Variants in DNAJC25 observed in about 807,000 individuals in gnomAD.
DNAJC25 encodes dnaJ homolog subfamily C member 25.
A neutral mutation model predicts 42.1 loss-of-function variants in DNAJC25; 26 were observed. That is an observed-to-expected ratio of 0.62 (90% confidence interval 0.45 to 0.86). The LOEUF is 0.86. Among genes scored for constraint, DNAJC25 ranks in the 40% least tolerant of loss-of-function variants. The pLI is 0.00. For synonymous variants in DNAJC25, 189 were observed against 179.9 expected, an observed-to-expected ratio of 1.05 and a Z score of -0.40; for missense variants, 404 against 459.4, an observed-to-expected ratio of 0.88 and a Z score of 1.10.
chr9:111,652,979 C>T, intron 3 of DNAJC25, 121 bp from the exon 4 acceptor site: 1 of 947,494 alleles, frequency 1.1e-6, no homozygotes, highest in Non-Finnish European at 1.4e-6. Flanking sequence ...GAATGGTTAT[C>T]AATACATTCA....
chr9:111,638,375 A>G (rs1830395466), intron 1 of DNAJC25, among the ~76,000 whole-genome samples: 1 of 152,220 alleles, frequency 6.6e-6, no homozygotes, highest in Non-Finnish European at 1.5e-5. Context: ...TGTGAATAGG[A>G]GTCATTTGCA....
At chr9:111,644,062 T>C (rs1385215927) in intron 1 of DNAJC25, among the ~76,000 whole-genome samples, 2 of 152,234 alleles carry the variant, frequency 1.3e-5, no homozygotes, top group Non-Finnish European at 2.9e-5. Context: ...GAGAGAAAGC[T>C]TTAAGCCCTA....
intron 1 of DNAJC25, among the ~76,000 whole-genome samples, chr9:111,635,163 A>G (rs913410504): frequency 2.6e-5 from 4 of 152,248 alleles, no homozygotes; most frequent in African/African-American, 9.6e-5. Flanking sequence ...TCCCACTTAC[A>G]TGTTTTTAAA....
chr9:111,642,318 C>A lies in DNAJC25; in HGVS notation c.337-4789C>A, dbSNP rs1161265929. 1.1e-4 allele frequency among the ~76,000 whole-genome samples: 11 copies of A among 102,398 alleles called. No individual in the cohort carries two copies. In the South Asian group the frequency reaches 1.5e-3, roughly 14 times the overall value. 67.2% of individuals were successfully genotyped at this position (102,398 alleles called of 152,430 possible). A position where few individuals can be genotyped will look rare whatever the true frequency, so the allele number is the denominator to read the frequency against. ...TTGATCTGTGACCTTACCCCCAACC[C>A]TGTGCTCTCTGAAACATGTGCTGTG... On this transcript the variant is annotated intron_variant, in intron 1 of 3. Transcript: ENST00000313525.
intron 1 of DNAJC25, chr9:111,643,134 C>T (rs1001397442): frequency 2.3e-5 from 6 of 264,370 alleles, no homozygotes; most frequent in African/African-American, 1.3e-4. Flanking sequence ...GCTATGTTAG[C>T]CACAGTAGCA....
chr9:111,652,645 A>G (rs1425251105), intron 3 of DNAJC25, among the ~76,000 whole-genome samples: 1 of 151,244 alleles, frequency 6.6e-6, no homozygotes, highest in Non-Finnish European at 1.5e-5. Flanking sequence ...AGGTTCAAGC[A>G]GTTCTCCTGC....
Position 111,636,758 on chromosome 9 carries a change from T to A in DNAJC25, c.336+5015T>A, listed in dbSNP as rs977950153. ...ATTACCTGGAACAAAACTCTTACCT[T>A]TTAAGAGTTTTGAGACCTTTTCTGG... On this transcript the variant is annotated intron_variant, in intron 1 of 3. Transcript: ENST00000313525. 2.0e-5 allele frequency among the ~76,000 whole-genome samples: 3 copies of A among 152,282 alleles called. No individual in the cohort carries two copies. The East Asian group carries it at 5.8e-4, about 29-fold the overall frequency.
chr9:111,631,336 A>G lies in DNAJC25; in HGVS notation c.-72A>G, dbSNP rs960754029. ...GCTGCTGACGTGTAGCTGGGGCCAG[A>G]CGGGACTAGCCGGGCGCGCGGCTGA... On this transcript the variant is annotated 5_prime_UTR_variant, in exon 1 of 4. Coordinates refer to ENST00000313525, the MANE Select transcript of DNAJC25 (RefSeq NM_001015882.3). 3.2e-6 allele frequency: 4 copies of G among 1,245,512 alleles called. No homozygotes were observed. Among genetic ancestry groups the G allele is most frequent in the Non-Finnish European group, 4.0e-6 (4 of 997,426 alleles). The allele number at this position is 1,245,512 out of a possible 1,614,324, so 77.2% of individuals were successfully genotyped here. A position where few individuals can be genotyped will look rare whatever the true frequency, so the allele number is the denominator to read the frequency against.
intron 1 of DNAJC25, among the ~76,000 whole-genome samples, chr9:111,645,545 G>A (rs960402568): frequency 1.1e-4 from 17 of 152,064 alleles, no homozygotes; most frequent in African/African-American, 4.1e-4. Context: ...GTGAGCGCCT[G>A]TGCCCGGCCC....
intron 1 of DNAJC25, 72 bp downstream of exon 1, chr9:111,631,815 C>T (rs1830285710): frequency 6.9e-7 from 1 of 1,446,386 alleles, no homozygotes; most frequent in Non-Finnish European, 9.0e-7. Context: ...CGACCCCGGT[C>T]CGCGGAGCGT....
Position 111,631,553 on chromosome 9 carries a change from A to G in DNAJC25, c.146A>G (p.Asp49Gly). Residue 49 changes from aspartate to glycine, a missense_variant, in exon 1 of 4, where the codon GAC becomes GGC. By Grantham distance (94) the Asp-to-Gly change is moderately conservative (BLOSUM62 -1). Coordinates refer to ENST00000313525, the MANE Select transcript of DNAJC25 (RefSeq NM_001015882.3). ...GAGGGGCTCTACTGCGGCACGCGGG[A>G]CTGCTACGAGGTGCTGGGCGTGAGC... ...LVEGLYCGTR[D>G]CYEVLGVSRS... 7.2e-7 allele frequency: 1 copy of G among 1,396,642 alleles called. No individual in the cohort carries two copies. Among genetic ancestry groups the G allele is most frequent in the Non-Finnish European group, 9.2e-7 (1 of 1,085,084 alleles). The allele number at this position is 1,396,642 out of a possible 1,614,324, so 86.5% of individuals were successfully genotyped here.
At chr9:111,635,619 A>G (rs1348953076) in intron 1 of DNAJC25, among the ~76,000 whole-genome samples, 1 of 152,232 alleles carries the variant, frequency 6.6e-6, no homozygotes, top group Non-Finnish European at 1.5e-5. Flanking sequence ...GAACAACTTG[A>G]AAGGATGCAC....
At chr9:111,649,180 T>C (rs935794657) in intron 2 of DNAJC25, among the ~76,000 whole-genome samples, 4 of 152,212 alleles carry the variant, frequency 2.6e-5, no homozygotes, top group African/African-American at 7.2e-5. Context: ...TGTGGTATGA[T>C]ACATTGATTA....
intron 1 of DNAJC25, among the ~76,000 whole-genome samples, chr9:111,644,124 T>C (rs1230514039): frequency 6.6e-6 from 1 of 152,204 alleles, no homozygotes; most frequent in Admixed American, 6.5e-5. Context: ...AGTGGCCAAC[T>C]TTTTAGTCTA....
intron 1 of DNAJC25, among the ~76,000 whole-genome samples, chr9:111,635,418 G>A (rs1830348757): frequency 6.6e-6 from 1 of 152,164 alleles, no homozygotes. Context: ...CAAATTAATT[G>A]CAGTTTTAAA....
intron 1 of DNAJC25, among the ~76,000 whole-genome samples, chr9:111,633,779 A>G (rs10817201): frequency 0.28 from 42,843 of 152,038 alleles, 6,613 homozygotes; most frequent in East Asian, 0.44. Context: ...CCCATCCCGG[A>G]ACTGATCTGA....
intron 1 of DNAJC25, among the ~76,000 whole-genome samples, chr9:111,632,524 G>T (rs1830300097): frequency 6.6e-6 from 1 of 152,170 alleles, no homozygotes. Context: ...GTCTTGTGGG[G>T]ATGAGAGATT....
chr9:111,641,676 G>A (rs1830471238), intron 1 of DNAJC25, among the ~76,000 whole-genome samples: 4 of 39,274 alleles, frequency 1.0e-4, no homozygotes, highest in African/African-American at 5.1e-4. Flanking sequence ...GAGGGAGGTG[G>A]GGGGGGGGTC....
At chr9:111,642,764 G>GA (rs1199819625) in intron 1 of DNAJC25, 2 of 445,890 alleles carry the variant, frequency 4.5e-6, no homozygotes, top group African/African-American at 2.0e-5. Flanking sequence ...GGGGAGGGGG[G>GA]ATGACCCTTT....
Sources: gnomAD v4.1 joint callset for allele counts (sites outside exome capture counted in the v4.1 genomes callset) on GRCh38, gnomAD v4.1.1 for gene constraint, MANE v1.5 for transcripts, NCBI Gene and HGNC (gene_info 2026-07-23, HGNC 2026-07-21) for gene names.